The following ADAM12 variants were observed in gnomAD, a reference collection of about 807,000 sequenced individuals.
ADAM12 encodes the protein disintegrin and metalloproteinase domain-containing protein 12.
Under a neutral mutation model 106.4 loss-of-function variants are expected in ADAM12, and 70 were observed. The observed-to-expected ratio is 0.66, with a 90% CI of 0.54 to 0.80. The LOEUF is 0.80. Ranked by LOEUF, ADAM12 falls within the 30% of genes least tolerant of loss-of-function variation. The pLI, the probability that ADAM12 is intolerant of heterozygous loss-of-function variation, is 0.00. For synonymous variants in ADAM12, 420 were observed against 433.5 expected (o/e 0.97, Z 0.39); for missense variants, 1,010 against 1,171.9 (o/e 0.86, Z 2.02).
At chr10:126,088,452 G>A (rs1278368) in intron 11 of ADAM12, among the ~76,000 whole-genome samples, 91,455 of 151,438 alleles carry the variant, frequency 0.6, 27,724 homozygotes, top group South Asian at 0.68. Context: ...TGCATTCCTA[G>A]CACTACGGGA....
At chr10:126,037,753 T>G in intron 20 of ADAM12, among the ~76,000 whole-genome samples, 1 of 152,204 alleles carries the variant, frequency 6.6e-6, no homozygotes, top group South Asian at 2.1e-4. Context: ...TGGACAGGGC[T>G]TCCTCAGCTC....
intron 8 of ADAM12, among the ~76,000 whole-genome samples, chr10:126,103,667 C>T (rs149846115): frequency 6.6e-5 from 10 of 152,300 alleles, no homozygotes; most frequent in South Asian, 2.1e-4. Context: ...CCTTCCAAGA[C>T]GGCCCACTGT....
intron 9 of ADAM12, 42 bp from the exon 10 acceptor site, chr10:126,098,542 CG>C: frequency 6.6e-7 from 1 of 1,505,518 alleles, no homozygotes; most frequent in Non-Finnish European, 9.2e-7. Context: ...CAAATTAGAA[CG>C]GGGGCATTCT....
At chr10:126,210,302 T>C (rs1391312593) in intron 3 of ADAM12, among the ~76,000 whole-genome samples, 1 of 152,182 alleles carries the variant, frequency 6.6e-6, no homozygotes, top group Non-Finnish European at 1.5e-5. Flanking sequence ...TCTATAAATG[T>C]TATAAATGTT....
chr10:126,086,680 A>AAAAAAAAAAAAATAAATATAT (rs1554966976), intron 11 of ADAM12, among the ~76,000 whole-genome samples: 1 of 24,274 alleles, frequency 4.1e-5, no homozygotes, highest in Admixed American at 7.9e-4. Context: ...AAAAAAAAAA[A>AAAAAAAAAAAAATAAATATAT]ATATATATAT....
Position 126,049,687 on chromosome 10 carries a change from C to T in ADAM12, c.1610-18G>A. The T allele has an allele frequency of 6.2e-7, 1 of 1,604,200 alleles. No individual in the cohort carries two copies. Among genetic ancestry groups the T allele is most frequent in the South Asian group, 1.1e-5 (1 of 88,578 alleles). On this transcript the variant is annotated intron_variant, in intron 14 of 22. Transcript: ENST00000448723. This position sits in a 1 kb window ranked among gnomAD's most constrained non-coding sequence, Gnocchi z 4.4. ...TTTAGCACCTGAAACAGAAGCAGAACTGCATTTTCATCTCCTGCAGGTGAT... is the reference window on the plus strand; with the variant it reads ...TTTAGCACCTGAAACAGAAGCAGAATTGCATTTTCATCTCCTGCAGGTGAT...
At chr10:126,383,796 T>C (rs1856567485) in intron 1 of ADAM12, among the ~76,000 whole-genome samples, 1 of 152,194 alleles carries the variant, frequency 6.6e-6, no homozygotes, top group East Asian at 1.9e-4. Context: ...TTTATCTATA[T>C]ATTTTATACA....
chr10:126,261,893 C>G lies in ADAM12; in HGVS notation c.260+17022G>C, dbSNP rs1035766210. ...TCTCCGCTCACTGCAAGCTCTGCCT[C>G]CCGGGTTCATGTCATTCTCCTGCCT... On this transcript the variant is annotated intron_variant, in intron 3 of 22. Transcript: ENST00000448723. 7.2e-5 allele frequency among the ~76,000 whole-genome samples: 11 copies of G among 151,790 alleles called. No individual in the cohort carries two copies. The East Asian group carries it at 2.1e-3, about 29-fold the overall frequency.
chr10:126,176,090 T>G (rs73380543), intron 3 of ADAM12, among the ~76,000 whole-genome samples: 2,165 of 152,188 alleles, frequency 0.014, 59 homozygotes, highest in African/African-American at 0.049. Flanking sequence ...ACTGCGATCC[T>G]CAGGGGGTCA....
At chr10:126,236,644 G>A (rs546827979) in intron 3 of ADAM12, among the ~76,000 whole-genome samples, 3 of 151,774 alleles carry the variant, frequency 2.0e-5, no homozygotes, top group Non-Finnish European at 2.9e-5. Flanking sequence ...TCACAGGAAG[G>A]AACACCCATA....
intron 5 of ADAM12, among the ~76,000 whole-genome samples, chr10:126,134,010 T>C (rs1380739847): frequency 2.0e-5 from 3 of 152,184 alleles, no homozygotes; most frequent in Admixed American, 1.3e-4. Context: ...CACTAGGAAG[T>C]GCTCCAGGAA....
At chr10:126,201,007 C>T (rs948072337) in intron 3 of ADAM12, among the ~76,000 whole-genome samples, 16 of 152,062 alleles carry the variant, frequency 1.1e-4, no homozygotes, top group African/African-American at 1.4e-4. Flanking sequence ...GGTAATAGGA[C>T]GTGATCCTAG....
chr10:126,082,262 C>T lies in ADAM12; in HGVS notation c.1146-10608G>A, dbSNP rs898320. Among the ~76,000 whole-genome samples, 308 of 152,256 alleles carry T rather than the reference C, an allele frequency of 2.0e-3. 1 individual carries two copies. The highest frequency in any genetic ancestry group is 7.1e-3 in the African/African-American group (294 of 41,528). Reference sequence around the variant, plus strand: ...TCACATGAGCTCACCCCACATCTTCCGTCCATTTCCTGGCCACAGCCAAGT... The same window carrying T: ...TCACATGAGCTCACCCCACATCTTCTGTCCATTTCCTGGCCACAGCCAAGT... On this transcript the variant is annotated intron_variant, in intron 11 of 22. Coordinates refer to ENST00000448723, the MANE Select transcript of ADAM12 (RefSeq NM_001288973.2).
chr10:126,131,370 A>G (rs897476135), intron 5 of ADAM12, among the ~76,000 whole-genome samples: 1 of 152,010 alleles, frequency 6.6e-6, no homozygotes, highest in African/African-American at 2.4e-5. Context: ...AGAGGCCCTT[A>G]TTCTTCTTCT....
chr10:126,278,517 G>A lies in ADAM12; in HGVS notation c.260+398C>T, dbSNP rs76944121. On this transcript the variant is annotated intron_variant, in intron 3 of 22. Coordinates refer to ENST00000448723, the MANE Select transcript of ADAM12 (RefSeq NM_001288973.2). ...CTTTGAAAGATAAAATAAACTCTTG[G>A]TATTTCTCAGGGAGAAGATAATTTC... 8.4e-3 allele frequency among the ~76,000 whole-genome samples: 1,281 copies of A among 152,210 alleles called. 28 individuals carry two copies. In the East Asian group the frequency reaches 0.11, roughly 13 times the overall value.
At chr10:126,269,652 T>G (rs1959166266) in intron 3 of ADAM12, among the ~76,000 whole-genome samples, 1 of 152,206 alleles carries the variant, frequency 6.6e-6, no homozygotes, top group Admixed American at 6.5e-5. Flanking sequence ...CAGCCATTAC[T>G]GTCCTCTTGG....
At chr10:126,227,177 A>ACC (rs1182462582) in intron 3 of ADAM12, among the ~76,000 whole-genome samples, 5 of 151,840 alleles carry the variant, frequency 3.3e-5, no homozygotes, top group African/African-American at 1.2e-4. Context: ...GATCATAATC[A>ACC]CCATATCACC....
At chr10:126,386,521 G>C (rs1055344261) in intron 1 of ADAM12, among the ~76,000 whole-genome samples, 3 of 152,074 alleles carry the variant, frequency 2.0e-5, no homozygotes, top group Admixed American at 6.5e-5. Flanking sequence ...AAAGTGCTTA[G>C]GCCTCCCTGG....
intron 5 of ADAM12, among the ~76,000 whole-genome samples, chr10:126,128,065 G>A (rs1311931607): frequency 2.0e-5 from 3 of 152,150 alleles, no homozygotes; most frequent in African/African-American, 2.4e-5. Flanking sequence ...GGTCAGCCAG[G>A]CTTGGGTTTA....
Sources: gnomAD v4.1 joint callset for allele counts (sites outside exome capture counted in the v4.1 genomes callset) on GRCh38, gnomAD v4.1.1 for gene constraint, Gnocchi (gnomAD v3.1) non-coding constraint, MANE v1.5 for transcripts, NCBI Gene and HGNC (gene_info 2026-07-23, HGNC 2026-07-21) for gene names.